Variants in GPN3 observed in about 807,000 individuals in gnomAD.
GPN3 encodes the protein GPN-loop GTPase 3, also known as ATP-binding domain 1 family member C.
Under a neutral mutation model 38.7 loss-of-function variants are expected in GPN3, and 31 were observed. That is an observed-to-expected ratio of 0.80 (90% CI 0.60 to 1.08). GPN3 has a LOEUF of 1.08. GPN3 is among the 50% of genes least tolerant of loss of function. The probability of loss-of-function intolerance (pLI) is 0.00; values close to 1 mark genes in which losing one functional copy is unlikely to be tolerated. For missense variants in GPN3, 301 were observed against 354.4 expected, an observed-to-expected ratio of 0.85 and a Z score of 1.21; for synonymous variants, 116 against 120.2, an observed-to-expected ratio of 0.96 and a Z score of 0.23.
chr12:110,452,840 C>T lies in GPN3; in HGVS notation c.*194G>A. On this transcript the variant is annotated 3_prime_UTR_variant, in exon 8 of 8. Transcript: ENST00000228827. ...AATCTAAAGTGATGCTGTTATAATA[C>T]TAAAAGATTCCACTTTAAACAGCAG... is the stretch of plus-strand genomic sequence containing the variant. The T allele has an allele frequency of 1.8e-6, 1 of 548,546 alleles. No homozygotes were observed. The highest frequency in any genetic ancestry group is 2.1e-5 in the South Asian group (1 of 48,480). The allele number at this position is 548,546 out of a possible 1,614,324, so 34.0% of individuals were successfully genotyped here. A position where few individuals can be genotyped will look rare whatever the true frequency, so the allele number is the denominator to read the frequency against.
At position 110,458,126 on chromosome 12, in the gene GPN3, A is replaced by G. The variant is rs1038909097; in HGVS notation, c.326-492T>C. ...GTAAGACTCTGTCTTTAAAAATAAAAAAAAAGAAAGAAAGAAAGAAAATGA... is the reference window on the plus strand; with the variant it reads ...GTAAGACTCTGTCTTTAAAAATAAAGAAAAAGAAAGAAAGAAAGAAAATGA... On this transcript the variant is annotated intron_variant, in intron 3 of 7. Coordinates refer to ENST00000228827, the MANE Select transcript of GPN3 (RefSeq NM_016301.4). This position sits in a 1 kb window ranked among gnomAD's most constrained non-coding sequence, Gnocchi z 4.4. Among the ~76,000 whole-genome samples, 3 of 152,028 alleles carry G rather than the reference A, an allele frequency of 2.0e-5. No individual in the cohort carries two copies. The highest frequency in any genetic ancestry group is 7.2e-5 in the African/African-American group (3 of 41,384).
chr12:110,463,787 A>G (rs2062608811), intron 2 of GPN3, among the ~76,000 whole-genome samples: 4 of 151,432 alleles, frequency 2.6e-5, no homozygotes, highest in African/African-American at 4.9e-5. Context: ...TGTCTCAAAA[A>G]AAAAAAAAAA....
chr12:110,461,401 G>T (rs1403532402), intron 2 of GPN3: 1,424 of 317,436 alleles, frequency 4.5e-3, no homozygotes, highest in Middle Eastern at 9.1e-3. Context: ...TTATAAAATT[G>T]AAAAAAAAAA....
chr12:110,468,653 T>C (rs575703919), upstream of GPN3: 530 of 1,537,114 alleles, frequency 3.4e-4, 4 homozygotes, highest in South Asian at 4.1e-3. Context: ...TTCCCTCCTG[T>C]GACGCACTGC....
intron 2 of GPN3, chr12:110,461,457 AGGTGTGCT>A (rs2062589626): frequency 3.6e-6 from 2 of 559,044 alleles, no homozygotes; most frequent in African/African-American, 3.8e-5. Context: ...AAAATTAGTC[AGGTGTGCT>A]GGCATGTGCC....
At position 110,467,281 on chromosome 12, in the gene GPN3, C is replaced by T. The variant is rs139404957; in HGVS notation, c.48+875G>A. 9.9e-5 allele frequency among the ~76,000 whole-genome samples: 15 copies of T among 152,218 alleles called. No individual in the cohort carries two copies. In the East Asian group the frequency reaches 2.7e-3, roughly 27 times the overall value. ...ATAGGATTACAGACGTGAGCCACCACGCCTGGCTATGTTTCCCACACATAT... is the reference window on the plus strand; with the variant it reads ...ATAGGATTACAGACGTGAGCCACCATGCCTGGCTATGTTTCCCACACATAT... On this transcript the variant is annotated intron_variant, in intron 1 of 7. Coordinates refer to ENST00000228827, the MANE Select transcript of GPN3 (RefSeq NM_016301.4).
At chr12:110,455,281 C>A (rs535241710) in intron 6 of GPN3, among the ~76,000 whole-genome samples, 6 of 151,764 alleles carry the variant, frequency 4.0e-5, no homozygotes, top group Non-Finnish European at 7.4e-5. Flanking sequence ...CACCACCATG[C>A]CCAGCTAATT....
intron 4 of GPN3, among the ~76,000 whole-genome samples, chr12:110,456,691 CT>C (rs61183219): frequency 0.14 from 19,383 of 141,160 alleles, 1,448 homozygotes; most frequent in African/African-American, 0.26. Context: ...ACTACTTCCT[CT>C]TTTTTTTTTT....
chr12:110,462,761 A>G (rs1442211861), intron 2 of GPN3, among the ~76,000 whole-genome samples: 5 of 129,612 alleles, frequency 3.9e-5, no homozygotes, highest in Non-Finnish European at 8.3e-5. Flanking sequence ...CTAATTTTGT[A>G]TTTTTTTTTT....
intron 2 of GPN3, chr12:110,461,366 T>C: frequency 1.4e-6 from 1 of 716,008 alleles, no homozygotes; most frequent in Non-Finnish European, 2.5e-6. Context: ...AACTAATCAC[T>C]GATCGTCAAA....
At chr12:110,453,283 T>C (rs937311579) in intron 7 of GPN3, among the ~76,000 whole-genome samples, 187 bp from the exon 8 acceptor site, 4 of 152,304 alleles carry the variant, frequency 2.6e-5, no homozygotes, top group South Asian at 4.1e-4. Context: ...TTTCCAGTTA[T>C]GTAGTAAATT....
At chr12:110,457,459 A>AC in intron 4 of GPN3, 51 bp downstream of exon 4, 3 of 265,720 alleles carry the variant, frequency 1.1e-5, no homozygotes, top group South Asian at 1.4e-4. Flanking sequence ...CACACACACA[A>AC]AAAAAAAAAA....
intron 2 of GPN3, chr12:110,461,278 T>G: frequency 1.5e-6 from 2 of 1,304,302 alleles, no homozygotes; most frequent in Non-Finnish European, 2.2e-6. Flanking sequence ...AGGATGAAGA[T>G]TCACCAAATA....
At chr12:110,464,840 G>A (rs973192326) in intron 2 of GPN3, 19 of 385,776 alleles carry the variant, frequency 4.9e-5, no homozygotes, top group Middle Eastern at 7.7e-4. Context: ...TGATCCACCC[G>A]CCTCGGCCTC....
intron 6 of GPN3, among the ~76,000 whole-genome samples, chr12:110,454,474 TC>T (rs1235446832): frequency 1.3e-5 from 2 of 149,618 alleles, no homozygotes; most frequent in Non-Finnish European, 3.0e-5. Flanking sequence ...TGCCTCAGCC[TC>T]CTGAGTAGCT....
In GPN3 at chr12:110,459,861, G is replaced by A; in HGVS notation, c.159C>T (p.Asp53=). Residue 53 remains aspartate, a splice_region_variant and synonymous_variant, in exon 3 of 8, where the codon GAC becomes GAT. Coordinates refer to ENST00000228827, the MANE Select transcript of GPN3 (RefSeq NM_016301.4). ...CATCCACCTCGATCAGTTCCCGGAT[G>A]TCTGAAAAGGACAGATAGGGCCCAG... ...AEHFNYSVMA[D]IRELIEVDDV... 1.9e-6 allele frequency: 3 copies of A among 1,612,952 alleles called. No homozygotes were observed. The highest frequency in any genetic ancestry group is 2.5e-6 in the Non-Finnish European group (3 of 1,179,102).
At chr12:110,463,606 CAAAAAAAAAAAAAAAAA>C (rs60072879) in intron 2 of GPN3, among the ~76,000 whole-genome samples, 104 of 64,296 alleles carry the variant, frequency 1.6e-3, no homozygotes, top group Middle Eastern at 0.022. Flanking sequence ...CCTGTCTCTA[CAAAAAAAAAAAAAAAAA>C]AAAAAAAAAA....
At chr12:110,468,036 T>G in intron 1 of GPN3, 120 bp downstream of exon 1, 1 of 1,333,894 alleles carries the variant, frequency 7.5e-7, no homozygotes, top group South Asian at 1.2e-5. Flanking sequence ...ACAGCAGAAA[T>G]GAGTTGCGTG....
intron 4 of GPN3, 123 bp downstream of exon 4, chr12:110,457,387 G>C (rs2062557283): frequency 1.6e-6 from 1 of 637,512 alleles, no homozygotes; most frequent in Middle Eastern, 5.1e-4. Context: ...GGGAGGCGGA[G>C]GTTGCAGTGA....
Sources: allele counts gnomAD v4.1 joint callset (sites outside exome capture counted in the v4.1 genomes callset), GRCh38; gene constraint gnomAD v4.1.1; non-coding constraint Gnocchi (gnomAD v3.1); transcripts MANE v1.5; gene names NCBI Gene and HGNC (gene_info 2026-07-23, HGNC 2026-07-21).